Variants in TMEM181 observed in about 807,000 individuals in gnomAD.
The protein encoded by TMEM181 is G protein-coupled receptor 178.
Under a neutral mutation model 71.9 loss-of-function variants are expected in TMEM181, and 39 were observed. The observed-to-expected ratio is 0.54, with a 90% confidence interval of 0.42 to 0.71. TMEM181 has a LOEUF of 0.71. Ranked by LOEUF, TMEM181 falls within the 30% of genes least tolerant of loss-of-function variation. TMEM181 has a pLI of 0.00. For missense variants in TMEM181, 595 were observed against 583.0 expected (o/e 1.02, Z -0.21); for synonymous variants, 245 against 228.8 (o/e 1.07, Z -0.64).
chr6:158,590,470 G>A (rs1184397098), intron 6 of TMEM181, among the ~76,000 whole-genome samples: 1 of 150,984 alleles, frequency 6.6e-6, no homozygotes, highest in African/African-American at 2.4e-5. Context: ...TTTTGTTTTT[G>A]TTTTTGAGAC....
intron 1 of TMEM181, among the ~76,000 whole-genome samples, chr6:158,565,636 A>G (rs1313374050): frequency 6.6e-6 from 1 of 152,208 alleles, no homozygotes; most frequent in East Asian, 1.9e-4. Context: ...AAAACAGGGA[A>G]GAGTGAGTTA....
chr6:158,630,829 C>T (rs1297365152), intron 15 of TMEM181, among the ~76,000 whole-genome samples: 1 of 152,084 alleles, frequency 6.6e-6, no homozygotes, highest in Non-Finnish European at 1.5e-5. Flanking sequence ...CAGCCCCCCG[C>T]ACCCCCCGAC....
chr6:158,628,450 A>G lies in TMEM181; in HGVS notation c.1152A>G (p.Gln384=). The G allele has an allele frequency of 1.2e-6, 2 of 1,614,220 alleles. No individual in the cohort carries two copies. The highest frequency in any genetic ancestry group is 2.7e-5 in the African/African-American group (2 of 75,060). The change falls in exon 14 of 17, where the codon CAA becomes CAG. Residue 384 remains glutamine, a synonymous_variant. Transcript: ENST00000684151. ...TGAGATTTGGGGCGCAAGTACTACA[A>G]GACAATTTTGTAGCAGAGCTGTCAA... ...LYLRFGAQVL[Q]DNFVAELSTH...
At chr6:158,602,457 G>C (rs953842470) in intron 6 of TMEM181, among the ~76,000 whole-genome samples, 2 of 152,246 alleles carry the variant, frequency 1.3e-5, no homozygotes, top group African/African-American at 4.8e-5. Context: ...CTGTTCTGCA[G>C]AGTGGTTGTG....
rs1410188167 is a variant in TMEM181, at chr6:158,575,417, C to T, written c.112+1894C>T. Among the ~76,000 whole-genome samples the T allele has an allele frequency of 2.0e-5, 3 of 152,204 alleles. No homozygotes were observed. The East Asian group carries it at 5.8e-4, about 29-fold the overall frequency. On this transcript the variant is annotated intron_variant, in intron 2 of 16. Transcript: ENST00000684151. The stretch of plus-strand genomic sequence containing the variant: ...AATCTTGGCTCACTGCAACCTCTTC[C>T]TCCCCAGTTCAAATGATTCTCCAGT...
At chr6:158,547,982 C>G (rs938752340) in intron 1 of TMEM181, among the ~76,000 whole-genome samples, 1 of 152,102 alleles carries the variant, frequency 6.6e-6, no homozygotes, top group South Asian at 2.1e-4. Flanking sequence ...CCTTCCACCC[C>G]ACAGACCAAA....
chr6:158,570,536 C>G (rs9364976), intron 1 of TMEM181, among the ~76,000 whole-genome samples: 1 of 151,830 alleles, frequency 6.6e-6, no homozygotes, highest in Non-Finnish European at 1.5e-5. Flanking sequence ...CCACTGCGCC[C>G]GGCCCCGTAC....
At chr6:158,629,451 G>T (rs1025423315) in intron 14 of TMEM181, among the ~76,000 whole-genome samples, 5 of 152,144 alleles carry the variant, frequency 3.3e-5, no homozygotes, top group Non-Finnish European at 5.9e-5. Context: ...CCTCGGTGCT[G>T]GTGACAGGAG....
chr6:158,606,496 G>A (rs1454988726), intron 7 of TMEM181, among the ~76,000 whole-genome samples: 1 of 152,154 alleles, frequency 6.6e-6, no homozygotes, highest in Non-Finnish European at 1.5e-5. Flanking sequence ...ATTACTCAGG[G>A]CCCCAAGTAT....
At chr6:158,599,805 A>G (rs1481723839) in intron 6 of TMEM181, among the ~76,000 whole-genome samples, 1 of 152,164 alleles carries the variant, frequency 6.6e-6, no homozygotes, top group African/African-American at 2.4e-5. Flanking sequence ...TGCTTGGGAA[A>G]ACTCAGCCTT....
chr6:158,607,313 G>C lies in TMEM181; in HGVS notation c.643G>C (p.Val215Leu). ...GGGCATCGAGCAGAAGTGGATGTCT[G>C]TTCTCCTGCCTCTGCTGCTACTTTA... ...DWGIEQKWMSVLLPLLLLYND... is the reference protein window; with the variant it reads ...DWGIEQKWMSLLLPLLLLYND... The change falls in exon 8 of 17, where the codon GTT (valine) becomes CTT (leucine). Residue 215 changes from valine to leucine, a missense_variant. Transcript: ENST00000684151. 6.2e-7 allele frequency: 1 copy of C among 1,614,198 alleles called. No individual in the cohort carries two copies. The highest frequency in any genetic ancestry group is 8.5e-7 in the Non-Finnish European group (1 of 1,180,020).
chr6:158,577,424 G>T (rs975883287), intron 2 of TMEM181, among the ~76,000 whole-genome samples: 1 of 152,096 alleles, frequency 6.6e-6, no homozygotes, highest in Non-Finnish European at 1.5e-5. Flanking sequence ...AAAAACAGAA[G>T]AAAAATGAAC....
At chr6:158,619,088 T>G (rs1366467110) in intron 10 of TMEM181, among the ~76,000 whole-genome samples, 1 of 152,220 alleles carries the variant, frequency 6.6e-6, no homozygotes, top group Non-Finnish European at 1.5e-5. Context: ...TGAAGAGTGT[T>G]TTCCAACTTG....
At chr6:158,549,270 T>C (rs1017367880) in intron 1 of TMEM181, among the ~76,000 whole-genome samples, 9 of 152,118 alleles carry the variant, frequency 5.9e-5, no homozygotes, top group Non-Finnish European at 8.8e-5. Context: ...GGTGCGCCAC[T>C]ATGCCCGGCT....
intron 5 of TMEM181, among the ~76,000 whole-genome samples, chr6:158,587,618 C>T (rs1582991190): frequency 6.6e-6 from 1 of 152,054 alleles, no homozygotes; most frequent in South Asian, 2.1e-4. Flanking sequence ...GTGTGCACCA[C>T]CGTGCCTGGC....
chr6:158,555,667 A>G (rs972804186), upstream of TMEM181, among the ~76,000 whole-genome samples: 2 of 152,248 alleles, frequency 1.3e-5, no homozygotes, highest in Non-Finnish European at 2.9e-5. Flanking sequence ...AAAAGAAGCC[A>G]TAATATACAG....
rs897337100 is a variant in TMEM181 at position 158,619,286 on chromosome 6, G to A, written c.897-4264G>A. On this transcript the variant is annotated intron_variant, in intron 10 of 16. Transcript: ENST00000684151. ...ACCCTTTCTTCCACTTGATCGAATC[G>A]GCTACTGAAGCTTGTGCATGCGTCA... 3.3e-5 allele frequency among the ~76,000 whole-genome samples: 5 copies of A among 151,964 alleles called. No homozygotes were observed. In the East Asian group the frequency reaches 5.8e-4, roughly 18 times the overall value.
chr6:158,542,084 T>C (rs1422940473), intron 1 of TMEM181, among the ~76,000 whole-genome samples: 4 of 151,980 alleles, frequency 2.6e-5, no homozygotes, highest in Admixed American at 1.3e-4. Flanking sequence ...TTTTGTTTTT[T>C]TTAGTAGAGA....
At chr6:158,552,554 GA>G (rs565682287) in intron 1 of TMEM181, among the ~76,000 whole-genome samples, 2 of 152,230 alleles carry the variant, frequency 1.3e-5, no homozygotes, top group Non-Finnish European at 1.5e-5. Flanking sequence ...TACACTGGAG[GA>G]AAAGATTGCT....
Sources: gnomAD v4.1 joint callset for allele counts (sites outside exome capture counted in the v4.1 genomes callset) on GRCh38, gnomAD v4.1.1 for gene constraint, MANE v1.5 for transcripts, NCBI Gene and HGNC (gene_info 2026-07-23, HGNC 2026-07-21) for gene names.